Variants in CLDN10 observed in about 807,000 individuals in gnomAD.
CLDN10 encodes claudin 10.
A neutral mutation model predicts 22.9 loss-of-function variants in CLDN10; 15 were observed. That is an observed-to-expected ratio of 0.65 (90% confidence interval 0.44 to 1.01). The LOEUF is 1.01. Ranked by LOEUF, CLDN10 falls within the 50% of genes least tolerant of loss-of-function variation. CLDN10 has a pLI of 0.00. For synonymous variants in CLDN10, 114 were observed against 111.4 expected, an observed-to-expected ratio of 1.02 and a Z score of -0.15; for missense variants, 247 against 287.8, an observed-to-expected ratio of 0.86 and a Z score of 1.03.
chr13:95,555,286 C>A (rs1256707751), intron 1 of CLDN10, among the ~76,000 whole-genome samples: 1 of 152,172 alleles, frequency 6.6e-6, no homozygotes, highest in Non-Finnish European at 1.5e-5. Context: ...GAACTCAGGT[C>A]ATCCACCCTC....
chr13:95,551,518 AT>A (rs1176928076), upstream of CLDN10, among the ~76,000 whole-genome samples: 2 of 151,634 alleles, frequency 1.3e-5, no homozygotes, highest in Non-Finnish European at 2.9e-5. Context: ...CTGGGCACCC[AT>A]TTGGTTAAAA....
Position 95,493,713 on chromosome 13 carries a change from C to A in CLDN10, c.214+59666C>A, listed in dbSNP as rs2042900217. On this transcript the variant is annotated intron_variant, in intron 1 of 4. Coordinates refer to the CLDN10 transcript ENST00000376873. ...TAGCTGGAATTACAGGCACATGCCACCACGCCCAGCTAATTTTTGTATTTT... is the reference window on the plus strand; with the variant it reads ...TAGCTGGAATTACAGGCACATGCCAACACGCCCAGCTAATTTTTGTATTTT... Among the ~76,000 whole-genome samples the A allele has an allele frequency of 3.9e-5, 6 of 152,266 alleles. No homozygotes were observed. The South Asian group carries it at 1.0e-3, about 26-fold the overall frequency.
At chr13:95,533,381 A>G (rs1419091241) in intron 1 of CLDN10, among the ~76,000 whole-genome samples, 3 of 152,144 alleles carry the variant, frequency 2.0e-5, no homozygotes, top group Non-Finnish European at 2.9e-5. Flanking sequence ...AAGTTTTATG[A>G]GAAAATGTTG....
chr13:95,435,237 T>C (rs1328427141), intron 1 of CLDN10, among the ~76,000 whole-genome samples: 1 of 152,218 alleles, frequency 6.6e-6, no homozygotes, highest in Non-Finnish European at 1.5e-5. Context: ...CTGCCACAAA[T>C]TGTGGGTTTA....
chr13:95,480,075 A>C (rs113536202), intron 1 of CLDN10: 1 of 151,804 alleles, frequency 6.6e-6, no homozygotes, highest in Non-Finnish European at 1.5e-5. Context: ...TGAAGGAGGA[A>C]CGTCACATCC....
At chr13:95,440,453 G>A (rs1056133938) in intron 1 of CLDN10, among the ~76,000 whole-genome samples, 3 of 152,190 alleles carry the variant, frequency 2.0e-5, no homozygotes, top group African/African-American at 7.2e-5. Context: ...AAGCAGGAGG[G>A]TCACTTGAGC....
Position 95,552,919 on chromosome 13 carries a change from G to T in CLDN10, c.166G>T (p.Asp56Tyr), listed in dbSNP as rs1566333063. ...CAACCTGTGGAAGGCGTGCGTTACC[G>T]ACTCCACGGGCGTCTCCAACTGCAA... ...WANLWKACVT[D>Y]STGVSNCKDF... is the part of the protein sequence containing the mutation. The change falls in exon 1 of 5, where the codon GAC becomes TAC. Residue 56 changes from aspartate (D) to tyrosine (Y), a missense_variant. Coordinates refer to ENST00000299339, the MANE Select transcript of CLDN10 (RefSeq NM_006984.5). 3.7e-6 allele frequency: 6 copies of T among 1,614,104 alleles called. No homozygotes were observed. Among genetic ancestry groups the T allele is most frequent in the Non-Finnish European group, 4.2e-6 (5 of 1,179,998 alleles).
At chr13:95,452,550 C>T (rs2042441434) in intron 1 of CLDN10, among the ~76,000 whole-genome samples, 2 of 152,110 alleles carry the variant, frequency 1.3e-5, no homozygotes, top group African/African-American at 4.8e-5. Context: ...AAGAACTTTC[C>T]AGCTCCTCAG....
intron 1 of CLDN10, among the ~76,000 whole-genome samples, chr13:95,535,975 T>C (rs2043396142): frequency 6.6e-6 from 1 of 152,158 alleles, no homozygotes; most frequent in Non-Finnish European, 1.5e-5. Flanking sequence ...CAAAACCACT[T>C]GTCACTTTTG....
intron 1 of CLDN10, among the ~76,000 whole-genome samples, chr13:95,486,273 C>T (rs545408061): frequency 5.3e-5 from 8 of 152,088 alleles, no homozygotes; most frequent in East Asian, 1.9e-4. Context: ...ATGCAATAGG[C>T]GCATTTTGGG....
intron 1 of CLDN10, among the ~76,000 whole-genome samples, chr13:95,496,703 C>T (rs995650718): frequency 6.6e-6 from 1 of 152,194 alleles, no homozygotes; most frequent in African/African-American, 2.4e-5. Flanking sequence ...CTTGTAAGGG[C>T]ACTAATCCCA....
chr13:95,542,424 G>A (rs2043468708), intron 1 of CLDN10, among the ~76,000 whole-genome samples: 1 of 152,212 alleles, frequency 6.6e-6, no homozygotes, highest in Non-Finnish European at 1.5e-5. Flanking sequence ...AATTCAACAT[G>A]ATTTTGAAGT....
At chr13:95,478,280 C>A (rs986060266) in intron 1 of CLDN10, among the ~76,000 whole-genome samples, 1 of 152,142 alleles carries the variant, frequency 6.6e-6, no homozygotes, top group Non-Finnish European at 1.5e-5. Flanking sequence ...TGCACTCCAG[C>A]CTGGACAACA....
At chr13:95,489,518 A>G (rs1230624835) in intron 1 of CLDN10, among the ~76,000 whole-genome samples, 4 of 151,974 alleles carry the variant, frequency 2.6e-5, no homozygotes, top group African/African-American at 9.7e-5. Flanking sequence ...GGCCATTTAT[A>G]TATCTTCTTT....
intron 3 of CLDN10, among the ~76,000 whole-genome samples, chr13:95,569,526 G>C (rs1225591206): frequency 3.3e-5 from 5 of 152,160 alleles, no homozygotes; most frequent in Non-Finnish European, 7.3e-5. Context: ...GGAGGTTGCA[G>C]TGAGCTGAGA....
intron 1 of CLDN10, among the ~76,000 whole-genome samples, chr13:95,529,690 A>C (rs933630928): frequency 6.6e-6 from 1 of 152,038 alleles, no homozygotes. Flanking sequence ...TTCTTTCCCT[A>C]CTTGTCTACA....
At chr13:95,442,890 T>C (rs1001411258) in intron 1 of CLDN10, among the ~76,000 whole-genome samples, 11 of 152,210 alleles carry the variant, frequency 7.2e-5, no homozygotes, top group African/African-American at 2.7e-4. Flanking sequence ...GAAATGATAA[T>C]GTAAAACGCT....
intron 1 of CLDN10, among the ~76,000 whole-genome samples, chr13:95,521,434 G>A (rs746532913): frequency 8.6e-5 from 13 of 152,042 alleles, no homozygotes; most frequent in Non-Finnish European, 1.9e-4. Flanking sequence ...CATCTATTGG[G>A]ATGGTCATAT....
At chr13:95,560,064 T>C (rs2043685726) in intron 1 of CLDN10, 68 bp from the exon 2 acceptor site, 30 of 1,417,266 alleles carry the variant, frequency 2.1e-5, no homozygotes, top group Non-Finnish European at 2.8e-5. Flanking sequence ...AATGACAACG[T>C]AAAATGAGGA....
Sources: gnomAD v4.1 joint callset for allele counts (sites outside exome capture counted in the v4.1 genomes callset) on GRCh38, gnomAD v4.1.1 for gene constraint, MANE v1.5 for transcripts, NCBI Gene and HGNC (gene_info 2026-07-23, HGNC 2026-07-21) for gene names.